Variants in RBFOX1 observed in about 807,000 individuals in gnomAD.
RBFOX1 encodes the protein RNA binding protein fox-1 homolog 1.
RBFOX1 carries 8 observed loss-of-function variants against 57.7 expected under a neutral mutation model. That is an observed-to-expected ratio of 0.14 (90% CI 0.08 to 0.25). The LOEUF is 0.25. RBFOX1 is among the 10% of genes least tolerant of loss of function. RBFOX1 has a pLI of 1.00. For synonymous variants in RBFOX1, 326 were observed against 222.4 expected (o/e 1.47, Z -4.15); for missense variants, 611 against 548.5 (o/e 1.11, Z -1.14).
At chr16:6,855,652 C>CAAAAAA (rs71147612) in intron 3 of RBFOX1, among the ~76,000 whole-genome samples, 3 of 129,042 alleles carry the variant, frequency 2.3e-5, no homozygotes, top group African/African-American at 6.1e-5. Context: ...GACTCCATCT[C>CAAAAAA]AAAAAAAAAA....
chr16:6,948,375 C>CTTTTTTT lies in RBFOX1; in HGVS notation c.-15-103659_-15-103653dup, dbSNP rs968186299. Among the ~76,000 whole-genome samples, 559 of 67,972 alleles carry CTTTTTTT rather than the reference C, an allele frequency of 8.2e-3. 47 individuals are homozygous for CTTTTTTT. The highest frequency in any genetic ancestry group is 9.7e-3 in the African/African-American group (144 of 14,874). 44.6% of individuals were successfully genotyped at this position (67,972 alleles called of 152,430 possible). On this transcript the variant is annotated intron_variant, in intron 3 of 15. Transcript: ENST00000550418. ...TACATGTCCTTTTCTTTCTCCCTTT[C>CTTTTTTT]TTTTTTTTTTTTTTTTTTTTTTTTT... is the stretch of plus-strand genomic sequence containing the variant.
chr16:5,802,994 C>T (rs183010650), intron 3 of RBFOX1, among the ~76,000 whole-genome samples: 6 of 152,222 alleles, frequency 3.9e-5, no homozygotes, highest in Admixed American at 2.6e-4. Flanking sequence ...TCTGAGAATT[C>T]ATAGTTTAGA....
intron 12 of RBFOX1, among the ~76,000 whole-genome samples, chr16:7,656,522 G>T (rs1322587817): frequency 6.6e-6 from 1 of 152,178 alleles, no homozygotes; most frequent in Admixed American, 6.5e-5. Context: ...GTAGCATAGA[G>T]GTTAGAAATA....
At chr16:7,704,501 A>C (rs185393180) in intron 14 of RBFOX1, among the ~76,000 whole-genome samples, 1 of 152,170 alleles carries the variant, frequency 6.6e-6, no homozygotes, top group East Asian at 1.9e-4. Context: ...GAATGGGATC[A>C]TAATTACAGG....
At chr16:5,285,441 C>T (rs1233077383) in intron 1 of RBFOX1, among the ~76,000 whole-genome samples, 1 of 152,104 alleles carries the variant, frequency 6.6e-6, no homozygotes, top group African/African-American at 2.4e-5. Context: ...AAAATTTTTT[C>T]AGGCATTTCA....
chr16:6,600,789 C>G (rs1351039947), intron 2 of RBFOX1, among the ~76,000 whole-genome samples: 1 of 151,844 alleles, frequency 6.6e-6, no homozygotes, highest in Admixed American at 6.6e-5. Context: ...TTATGTGGAT[C>G]AAGGACATAG....
At chr16:7,529,515 A>G (rs1187236917) in intron 5 of RBFOX1, among the ~76,000 whole-genome samples, 1 of 152,164 alleles carries the variant, frequency 6.6e-6, no homozygotes, top group African/African-American at 2.4e-5. Flanking sequence ...AATCATTGCT[A>G]TTTTGGATTG....
intron 4 of RBFOX1, among the ~76,000 whole-genome samples, chr16:7,266,111 A>C (rs1318058976): frequency 4.0e-5 from 6 of 151,626 alleles, no homozygotes; most frequent in Admixed American, 4.0e-4. Context: ...AGTAGCTGGG[A>C]CTACAGGCGC....
intron 5 of RBFOX1, among the ~76,000 whole-genome samples, chr16:7,531,535 C>T (rs2080074671): frequency 6.6e-6 from 1 of 152,178 alleles, no homozygotes; most frequent in Admixed American, 6.5e-5. Flanking sequence ...AGATGGGATT[C>T]AAAGGCAGCC....
At chr16:5,330,818 C>T (rs1046388800) in intron 1 of RBFOX1, among the ~76,000 whole-genome samples, 7 of 152,014 alleles carry the variant, frequency 4.6e-5, no homozygotes, top group Admixed American at 4.6e-4. Flanking sequence ...GGAAAAGTCC[C>T]CAAAGCAAAC....
chr16:7,105,795 T>C (rs200936404), intron 4 of RBFOX1, among the ~76,000 whole-genome samples: 4 of 115,138 alleles, frequency 3.5e-5, no homozygotes, highest in Non-Finnish European at 7.3e-5. Flanking sequence ...TAGAGATAGA[T>C]AGATAGAGAT....
At chr16:7,236,881 A>T (rs1476705811) in intron 4 of RBFOX1, among the ~76,000 whole-genome samples, 2 of 152,182 alleles carry the variant, frequency 1.3e-5, no homozygotes, top group Non-Finnish European at 2.9e-5. Flanking sequence ...CACCTTCTCT[A>T]GAATGGCTGT....
chr16:5,560,571 C>T (rs1567231495), intron 2 of RBFOX1, among the ~76,000 whole-genome samples: 1 of 152,226 alleles, frequency 6.6e-6, no homozygotes, highest in African/African-American at 2.4e-5. Context: ...CATCACTGTA[C>T]AAGGTCAAAT....
intron 4 of RBFOX1, among the ~76,000 whole-genome samples, chr16:7,128,210 C>T (rs1477366888): frequency 6.6e-6 from 1 of 152,140 alleles, no homozygotes; most frequent in Non-Finnish European, 1.5e-5. Context: ...AGAATAATAG[C>T]ATGTATTAAG....
At chr16:7,605,964 T>TACTAAAAATACAA (rs2095268563) in intron 9 of RBFOX1, among the ~76,000 whole-genome samples, 1 of 151,710 alleles carries the variant, frequency 6.6e-6, no homozygotes, top group Non-Finnish European at 1.5e-5. Context: ...TCAGCCTGAT[T>TACTAAAAATACAA]AGTTGTTACT....
chr16:6,702,556 A>C, intron 3 of RBFOX1, among the ~76,000 whole-genome samples: 1 of 125,488 alleles, frequency 8.0e-6, no homozygotes, highest in South Asian at 2.3e-4. Context: ...TCCATCTCAA[A>C]AAAAAAAAAC....
At chr16:7,257,455 T>A (rs921732615) in intron 4 of RBFOX1, among the ~76,000 whole-genome samples, 2 of 152,152 alleles carry the variant, frequency 1.3e-5, no homozygotes, top group African/African-American at 4.8e-5. Flanking sequence ...TAGCAGCCAC[T>A]GGGAGCTGGA....
At chr16:6,483,301 C>T in intron 2 of RBFOX1, 3 of 1,398,558 alleles carry the variant, frequency 2.1e-6, no homozygotes, top group Non-Finnish European at 1.9e-6. Context: ...TGCTCGCTCT[C>T]GCGCCCGCGC....
At chr16:5,362,316 G>C (rs202050888) in intron 1 of RBFOX1, among the ~76,000 whole-genome samples, 1 of 152,000 alleles carries the variant, frequency 6.6e-6, no homozygotes, top group Non-Finnish European at 1.5e-5. Flanking sequence ...TCAGCCTCCC[G>C]AGTGTCTGGG....
Sources: gnomAD v4.1 joint callset for allele counts (sites outside exome capture counted in the v4.1 genomes callset) on GRCh38, gnomAD v4.1.1 for gene constraint, MANE v1.5 for transcripts, NCBI Gene and HGNC (gene_info 2026-07-23, HGNC 2026-07-21) for gene names.